Variants in CFAP20DC observed in about 807,000 individuals in gnomAD.
CFAP20DC encodes protein CFAP20DC.
In CFAP20DC, 84 loss-of-function variants were observed where a neutral mutation model predicts 101.7. The observed-to-expected ratio is 0.83, with a 90% CI of 0.69 to 0.99. The LOEUF (loss-of-function observed/expected upper bound fraction) is 0.99. CFAP20DC is among the 50% of genes least tolerant of loss of function. CFAP20DC has a pLI of 0.00. For missense variants in CFAP20DC, 1,007 were observed against 970.3 expected, an observed-to-expected ratio of 1.04 and a Z score of -0.50; for synonymous variants, 359 against 351.2, an observed-to-expected ratio of 1.02 and a Z score of -0.25.
chr3:58,957,832 T>C (rs1052048679), intron 4 of CFAP20DC, among the ~76,000 whole-genome samples: 1 of 152,082 alleles, frequency 6.6e-6, no homozygotes, highest in African/African-American at 2.4e-5. Context: ...AGTAGAAGGA[T>C]AGTTACTAGA....
intron 3 of CFAP20DC, among the ~76,000 whole-genome samples, chr3:58,718,166 A>C (rs1485806136): frequency 6.6e-6 from 1 of 152,206 alleles, no homozygotes; most frequent in Non-Finnish European, 1.5e-5. Flanking sequence ...GCAGGGATAA[A>C]AATGTGGTAG....
At chr3:58,856,976 A>G (rs1281615092) in intron 12 of CFAP20DC, among the ~76,000 whole-genome samples, 1 of 152,184 alleles carries the variant, frequency 6.6e-6, no homozygotes, top group African/African-American at 2.4e-5. Flanking sequence ...GTTATTCTGT[A>G]TATGACGTAG....
At chr3:58,982,600 A>C (rs1346266213) in intron 4 of CFAP20DC, among the ~76,000 whole-genome samples, 1 of 151,214 alleles carries the variant, frequency 6.6e-6, no homozygotes, top group African/African-American at 2.4e-5. Flanking sequence ...GCAAACTATC[A>C]CAAGGACAAA....
chr3:58,935,246 A>G (rs1238485353), intron 5 of CFAP20DC, among the ~76,000 whole-genome samples: 1 of 152,156 alleles, frequency 6.6e-6, no homozygotes, highest in Non-Finnish European at 1.5e-5. Flanking sequence ...AAGGAGAACT[A>G]CAAACCACTG....
intron 4 of CFAP20DC, among the ~76,000 whole-genome samples, chr3:58,994,974 C>A (rs1181775717): frequency 2.0e-5 from 3 of 152,110 alleles, no homozygotes; most frequent in Non-Finnish European, 2.9e-5. Context: ...AGGAAGACAA[C>A]AAGTCTGAAA....
At chr3:58,954,389 A>G (rs1312738724) in intron 4 of CFAP20DC, among the ~76,000 whole-genome samples, 1 of 152,238 alleles carries the variant, frequency 6.6e-6, no homozygotes, top group East Asian at 1.9e-4. Flanking sequence ...ATTCATTTAT[A>G]GAATCATCTG....
chr3:58,888,062 T>A (rs565849229), intron 6 of CFAP20DC, among the ~76,000 whole-genome samples: 4 of 152,336 alleles, frequency 2.6e-5, no homozygotes, highest in African/African-American at 9.6e-5. Context: ...TCTCCCCACC[T>A]CACCACTAAC....
chr3:58,891,200 A>T (rs1441901020), intron 6 of CFAP20DC, among the ~76,000 whole-genome samples: 2 of 152,044 alleles, frequency 1.3e-5, no homozygotes, highest in African/African-American at 2.4e-5. Context: ...AGGCTGGCGG[A>T]TCACTCGCGG....
intron 15 of CFAP20DC, among the ~76,000 whole-genome samples, chr3:58,779,453 A>G (rs2071627569): frequency 6.6e-6 from 1 of 152,208 alleles, no homozygotes; most frequent in African/African-American, 2.4e-5. Flanking sequence ...CAATTCAGCT[A>G]GAGGATACAA....
At chr3:58,804,266 T>G (rs994647183) in intron 15 of CFAP20DC, among the ~76,000 whole-genome samples, 1 of 152,198 alleles carries the variant, frequency 6.6e-6, no homozygotes, top group African/African-American at 2.4e-5. Flanking sequence ...AGAATTAGGA[T>G]GAGAATTAGG....
intron 5 of CFAP20DC, among the ~76,000 whole-genome samples, chr3:58,936,951 T>C (rs2087750171): frequency 7.9e-6 from 1 of 127,168 alleles, no homozygotes. Flanking sequence ...AAAATAAATT[T>C]AAGCCAAAAA....
chr3:58,858,285 C>T (rs2078994794), intron 12 of CFAP20DC, among the ~76,000 whole-genome samples: 1 of 152,126 alleles, frequency 6.6e-6, no homozygotes, highest in African/African-American at 2.4e-5. Context: ...GCCCCAGTGC[C>T]AGGAACATCA....
intron 4 of CFAP20DC, among the ~76,000 whole-genome samples, chr3:58,957,517 A>T (rs1176614091): frequency 9.9e-5 from 15 of 152,208 alleles, no homozygotes; most frequent in Non-Finnish European, 2.1e-4. Flanking sequence ...ACCTAGAAGA[A>T]GGGAAATCAG....
At chr3:58,843,023 C>T (rs976965077) in intron 13 of CFAP20DC, among the ~76,000 whole-genome samples, 11 of 152,274 alleles carry the variant, frequency 7.2e-5, no homozygotes, top group South Asian at 2.1e-4. Flanking sequence ...ACATCACCAT[C>T]GTCAAAGACC....
intron 4 of CFAP20DC, chr3:59,017,369 C>G (rs2093710300): frequency 6.6e-6 from 1 of 152,234 alleles, no homozygotes; most frequent in East Asian, 1.9e-4. Context: ...GCGATTGAAG[C>G]TCCCGCTGTG....
intron 12 of CFAP20DC, among the ~76,000 whole-genome samples, chr3:58,851,090 C>T (rs1298460603): frequency 6.6e-6 from 1 of 152,120 alleles, no homozygotes; most frequent in Admixed American, 6.6e-5. Context: ...GGGCCAAGTA[C>T]ATCTAGGTGC....
intron 7 of CFAP20DC, among the ~76,000 whole-genome samples, chr3:58,883,114 C>T (rs2081347108): frequency 1.3e-5 from 2 of 152,136 alleles, no homozygotes; most frequent in South Asian, 4.1e-4. Context: ...TCATGGTTAT[C>T]TCTTGTTTCT....
At chr3:58,716,216 C>T (rs2067396888), downstream of CFAP20DC, among the ~76,000 whole-genome samples, 1 of 129,764 alleles carries the variant, frequency 7.7e-6, no homozygotes, top group Non-Finnish European at 1.5e-5. Flanking sequence ...CTGCGGACTG[C>T]AGTGGCGCAA....
intron 4 of CFAP20DC, among the ~76,000 whole-genome samples, chr3:58,961,479 A>C (rs2091131695): frequency 6.6e-6 from 1 of 152,120 alleles, no homozygotes; most frequent in Admixed American, 6.6e-5. Flanking sequence ...GCTTGAACCC[A>C]GGAGGCAGAG....
Sources: gnomAD v4.1 joint callset for allele counts (sites outside exome capture counted in the v4.1 genomes callset) on GRCh38, gnomAD v4.1.1 for gene constraint, MANE v1.5 for transcripts, NCBI Gene and HGNC (gene_info 2026-07-23, HGNC 2026-07-21) for gene names.